The following RALGDS variants were observed in gnomAD, a reference collection of about 807,000 sequenced individuals.
The protein encoded by RALGDS is ral guanine nucleotide exchange factor.
A neutral mutation model predicts 99.8 loss-of-function variants in RALGDS; 44 were observed. The observed-to-expected ratio is 0.44, with a 90% confidence interval of 0.35 to 0.57. RALGDS has a LOEUF of 0.57. Among genes scored for constraint, RALGDS ranks in the 20% least tolerant of loss-of-function variants. RALGDS has a pLI of 0.01. For missense variants in RALGDS, 1,022 were observed against 1,203.1 expected, an observed-to-expected ratio of 0.85 and a Z score of 2.23; for synonymous variants, 529 against 505.0, an observed-to-expected ratio of 1.05 and a Z score of -0.64.
chr9:133,146,013 T>G (rs1832617664), intron 1 of RALGDS, among the ~76,000 whole-genome samples: 1 of 152,204 alleles, frequency 6.6e-6, no homozygotes, highest in South Asian at 2.1e-4. Flanking sequence ...TCGGACAGGC[T>G]GGGCACTGGT....
At chr9:133,131,883 CA>C (rs2119252965), upstream of RALGDS, among the ~76,000 whole-genome samples, 1 of 152,376 alleles carries the variant, frequency 6.6e-6, no homozygotes, top group South Asian at 2.1e-4. Flanking sequence ...GAGGATTCCA[CA>C]AGAACTCAGC....
At chr9:133,146,724 C>T (rs1168100018) in intron 1 of RALGDS, among the ~76,000 whole-genome samples, 1 of 152,246 alleles carries the variant, frequency 6.6e-6, no homozygotes, top group African/African-American at 2.4e-5. Flanking sequence ...TGCTTGTTTG[C>T]TCTTGTTTTC....
intron 1 of RALGDS, among the ~76,000 whole-genome samples, chr9:133,145,724 C>T (rs1216732211): frequency 6.6e-6 from 1 of 152,182 alleles, no homozygotes; most frequent in African/African-American, 2.4e-5. Flanking sequence ...TCTGTGACCC[C>T]AAACTAGCCA....
intron 9 of RALGDS, 64 bp from the exon 10 acceptor site, chr9:133,104,395 G>A: frequency 6.9e-7 from 1 of 1,440,466 alleles, no homozygotes; most frequent in Non-Finnish European, 9.8e-7. Context: ...ACCCTGACCT[G>A]GGGTGCTGCC....
In RALGDS at chr9:133,110,279, G is replaced by A. The variant is rs1222626009; in HGVS notation, c.488+17C>T. 6.2e-7 allele frequency: 1 copy of A among 1,610,292 alleles called. No homozygotes were observed. The highest frequency in any genetic ancestry group is 8.5e-7 in the Non-Finnish European group (1 of 1,177,026). ...AGGGCCCCTGTGCACCCTGTGCAGTGGAGGGCTCATGCTCACCTTTTGAAC... is the reference window on the plus strand; with the variant it reads ...AGGGCCCCTGTGCACCCTGTGCAGTAGAGGGCTCATGCTCACCTTTTGAAC... On this transcript the variant is annotated intron_variant, in intron 3 of 17. Transcript: ENST00000372050.
Position 133,105,775 on chromosome 9 carries a change from G to A in RALGDS, c.1602+157C>T, listed in dbSNP as rs1285992631. 5.3e-5 allele frequency among the ~76,000 whole-genome samples: 8 copies of A among 151,598 alleles called. No homozygotes were observed. In the South Asian group the frequency reaches 1.5e-3, roughly 28 times the overall value. ...ATCCCTCTTCCCCCTTCACGCACAC[G>A]GGAAAGGAACTTTCCCAGCAAGAAG... On this transcript the variant is annotated intron_variant, in intron 9 of 17. Coordinates refer to ENST00000372050, the MANE Select transcript of RALGDS (RefSeq NM_006266.4).
chr9:133,101,357 C>T, intron 16 of RALGDS, 163 bp downstream of exon 16: 2 of 1,521,416 alleles, frequency 1.3e-6, no homozygotes, highest in Non-Finnish European at 1.8e-6. Flanking sequence ...CTCAGGCCAG[C>T]CTTGTCCCTG....
intron 1 of RALGDS, among the ~76,000 whole-genome samples, chr9:133,126,635 T>C (rs1832168853): frequency 6.6e-6 from 1 of 151,712 alleles, no homozygotes; most frequent in African/African-American, 2.4e-5. Context: ...CCCTGGGGAG[T>C]CACTGCCACC....
At position 133,108,809 on chromosome 9, in the gene RALGDS, T is replaced by C. The variant is rs1348798848; in HGVS notation, c.642A>G (p.Gln214=). Residue 214 remains glutamine (Q), a synonymous_variant, in exon 5 of 18, where the codon CAA becomes CAG. Coordinates refer to ENST00000372050, the MANE Select transcript of RALGDS (RefSeq NM_006266.4). ...GCTTGAGGCAGGGAAAGTCCGGAGG[T>C]TGACAGAAATCCTCCGAGTACTGGT... is the stretch of plus-strand genomic sequence containing the variant. ...WLDQYSEDFC[Q]PPDFPCLKQL... The C allele has an allele frequency of 6.2e-7, 1 of 1,613,114 alleles. No homozygotes were observed.
At chr9:133,140,838 C>CGTGGGCCGGGGCTGCACGCACCTTGGGCT (rs950365396) in intron 1 of RALGDS, among the ~76,000 whole-genome samples, 5 of 152,164 alleles carry the variant, frequency 3.3e-5, no homozygotes, top group Admixed American at 1.3e-4. Context: ...CCGGCAAGAA[C>CGTGGGCCGGGGCTGCACGCACCTTGGGCT]GTGGGCCGGG....
upstream of RALGDS, among the ~76,000 whole-genome samples, chr9:133,134,378 C>T (rs1051838939): frequency 6.6e-6 from 1 of 152,238 alleles, no homozygotes; most frequent in African/African-American, 2.4e-5. Flanking sequence ...AGAGCCTAGT[C>T]TGGCGCCGCC....
At chr9:133,126,652 G>C (rs1832169520) in intron 1 of RALGDS, among the ~76,000 whole-genome samples, 1 of 152,158 alleles carries the variant, frequency 6.6e-6, no homozygotes, top group Non-Finnish European at 1.5e-5. Context: ...CACCCCGGAG[G>C]GGCCACCAAT....
chr9:133,106,859 TC>T (rs1031368850), intron 7 of RALGDS, 111 bp from the exon 8 acceptor site: 24 of 967,290 alleles, frequency 2.5e-5, no homozygotes, highest in African/African-American at 2.3e-4. Flanking sequence ...ACCCAGGGAG[TC>T]CCCAGAGGGC....
chr9:133,134,245 A>T (rs570428100), upstream of RALGDS, among the ~76,000 whole-genome samples: 59 of 152,236 alleles, frequency 3.9e-4, no homozygotes, highest in Admixed American at 2.0e-3. Context: ...TTTGGCTCTG[A>T]CTAGGAGACT....
rs142509509 is a variant in RALGDS at position 133,114,991 on chromosome 9, T to C, written c.184-2839A>G. Among the ~76,000 whole-genome samples the C allele has an allele frequency of 4.3e-3, 656 of 152,254 alleles. 5 individuals carry two copies. Among genetic ancestry groups the C allele is most frequent in the African/African-American group, 0.015 (604 of 41,540 alleles). Reference sequence around the variant, plus strand: ...GGATGGGAAACAGGGCCTGGTGGTGTCTGGTGAGTGTGTCACCTGATCAGC... The same window carrying C: ...GGATGGGAAACAGGGCCTGGTGGTGCCTGGTGAGTGTGTCACCTGATCAGC... On this transcript the variant is annotated intron_variant, in intron 1 of 17. Coordinates refer to ENST00000372050, the MANE Select transcript of RALGDS (RefSeq NM_006266.4).
rs1830609658 is a variant in RALGDS at position 133,098,779 on chromosome 9, G to T, written c.2570-17C>A. ...TCTTCAGCTCTGGTGGGGAGGGGCA[G>T]AGGGGTGATCAGGGATGCTCCTGGG... is the stretch of plus-strand genomic sequence containing the variant. On this transcript the variant is annotated splice_polypyrimidine_tract_variant and intron_variant, in intron 17 of 17. Transcript: ENST00000372050. 1.9e-6 allele frequency: 3 copies of T among 1,613,590 alleles called. No homozygotes were observed. Among genetic ancestry groups the T allele is most frequent in the South Asian group, 2.2e-5 (2 of 91,062 alleles).
intron 2 of RALGDS, 77 bp from the exon 3 acceptor site, chr9:133,110,566 C>A (rs1831293857): frequency 1.5e-6 from 2 of 1,308,304 alleles, no homozygotes; most frequent in East Asian, 4.6e-5. Flanking sequence ...AACCCCGAGC[C>A]CTCAGCAGCT....
chr9:133,140,502 C>T (rs964423736), intron 1 of RALGDS, among the ~76,000 whole-genome samples: 2 of 152,122 alleles, frequency 1.3e-5, no homozygotes, highest in African/African-American at 4.8e-5. Flanking sequence ...GGTCCTGCAC[C>T]CTTCCCATGG....
chr9:133,119,821 G>A (rs1157440588), intron 1 of RALGDS, among the ~76,000 whole-genome samples: 31 of 152,168 alleles, frequency 2.0e-4, no homozygotes, highest in Non-Finnish European at 1.5e-5. Context: ...CCCCCACCAA[G>A]AGCTCTGCCC....
Sources: allele counts gnomAD v4.1 joint callset (sites outside exome capture counted in the v4.1 genomes callset), GRCh38; gene constraint gnomAD v4.1.1; transcripts MANE v1.5; gene names NCBI Gene and HGNC (gene_info 2026-07-23, HGNC 2026-07-21).